Variants in LIMS1 observed in about 807,000 individuals in gnomAD.
LIMS1 encodes LIM zinc finger domain containing 1.
Under a neutral mutation model 44.1 loss-of-function variants are expected in LIMS1, and 18 were observed. The ratio of observed to expected loss-of-function variants is 0.41; its 90% CI spans 0.28 to 0.61. The LOEUF (loss-of-function observed/expected upper bound fraction) is 0.61. LIMS1 is among the 20% of genes least tolerant of loss of function. LIMS1 has a pLI of 0.32. For missense variants in LIMS1, 201 were observed against 422.0 expected (o/e 0.48, Z 4.59); for synonymous variants, 93 against 149.1 (o/e 0.62, Z 2.74).
At chr2:108,533,828 C>G (rs1393348047), upstream of LIMS1, 1 of 152,424 alleles carries the variant, frequency 6.6e-6, no homozygotes, top group Non-Finnish European at 1.5e-5. Context: ...TCTTAACTCA[C>G]AAGTTAAACA....
chr2:108,630,807 T>C (rs988857503), intron 1 of LIMS1, among the ~76,000 whole-genome samples: 4 of 152,104 alleles, frequency 2.6e-5, no homozygotes, highest in African/African-American at 9.7e-5. Flanking sequence ...GGAGGTTGAG[T>C]GGGACGAGGA....
intron 1 of LIMS1, among the ~76,000 whole-genome samples, chr2:108,573,725 G>A (rs184119347): frequency 3.9e-5 from 6 of 152,272 alleles, no homozygotes; most frequent in Admixed American, 1.3e-4. Context: ...CAAATAAAGC[G>A]TATAGTGTAT....
chr2:108,625,586 C>A lies in LIMS1; in HGVS notation c.33-34019C>A, dbSNP rs532570630. ...TTGAAAAGAATATGAATCCCCCCCC[C>A]CAAAAAAATGCAGTTTGAAATTTGT... is the stretch of plus-strand genomic sequence containing the variant. On this transcript the variant is annotated intron_variant, in intron 1 of 9. Coordinates refer to ENST00000544547, the Ensembl canonical transcript of LIMS1. Among the ~76,000 whole-genome samples the A allele has an allele frequency of 7.2e-5, 11 of 151,786 alleles. No individual in the cohort carries two copies. The East Asian group carries it at 1.4e-3, about 19-fold the overall frequency.
intron 1 of LIMS1, among the ~76,000 whole-genome samples, chr2:108,581,805 C>T (rs758943521): frequency 4.6e-5 from 7 of 151,936 alleles, no homozygotes; most frequent in Non-Finnish European, 8.8e-5. Flanking sequence ...GGAGTGGTGG[C>T]GCATGCCTGT....
chr2:108,575,775 G>C (rs1685648114), intron 1 of LIMS1, among the ~76,000 whole-genome samples: 1 of 152,134 alleles, frequency 6.6e-6, no homozygotes, highest in South Asian at 2.1e-4. Context: ...TGAGTCATCA[G>C]GGTTGTTTAG....
intron 1 of LIMS1, among the ~76,000 whole-genome samples, chr2:108,557,791 C>T (rs866624568): frequency 6.6e-6 from 1 of 152,200 alleles, no homozygotes; most frequent in African/African-American, 2.4e-5. Flanking sequence ...GCTAGAATTA[C>T]AGGCATAGGC....
chr2:108,613,985 C>T (rs1425563253), intron 1 of LIMS1, among the ~76,000 whole-genome samples: 1 of 152,064 alleles, frequency 6.6e-6, no homozygotes, highest in Non-Finnish European at 1.5e-5. Flanking sequence ...GTCCCCTACT[C>T]GACTGCAGGC....
At chr2:108,549,636 T>C (rs1315496783) in intron 1 of LIMS1, among the ~76,000 whole-genome samples, 1 of 152,186 alleles carries the variant, frequency 6.6e-6, no homozygotes, top group Non-Finnish European at 1.5e-5. Flanking sequence ...AGCTGAAACA[T>C]TAATTTTTTT....
intron 3 of LIMS1, 117 bp from the exon 4 acceptor site, chr2:108,672,208 C>T: frequency 3.1e-6 from 2 of 651,412 alleles, no homozygotes; most frequent in South Asian, 1.7e-5. Context: ...TTGAGAAAGG[C>T]TTCAACGGTT....
intron 1 of LIMS1, among the ~76,000 whole-genome samples, chr2:108,541,200 C>T (rs1684304979): frequency 6.6e-6 from 1 of 152,228 alleles, no homozygotes; most frequent in Non-Finnish European, 1.5e-5. Flanking sequence ...CTTACCAATG[C>T]ATCAGCTGAG....
chr2:108,548,318 A>G (rs1684558690), intron 1 of LIMS1, among the ~76,000 whole-genome samples: 1 of 151,808 alleles, frequency 6.6e-6, no homozygotes, highest in East Asian at 1.9e-4. Flanking sequence ...TGGCTAACCC[A>G]CATCAGGAAT....
chr2:108,676,123 C>A, intron 6 of LIMS1, 95 bp downstream of exon 6: 2 of 1,405,336 alleles, frequency 1.4e-6, no homozygotes, highest in South Asian at 1.5e-5. Context: ...TCAGGGGTAA[C>A]CAGTACTTTC....
intron 1 of LIMS1, among the ~76,000 whole-genome samples, chr2:108,539,227 G>T (rs531303373): frequency 6.6e-6 from 1 of 152,130 alleles, no homozygotes; most frequent in African/African-American, 2.4e-5. Flanking sequence ...GGGACAACAG[G>T]TACATGCCAC....
At chr2:108,578,198 C>G (rs1198994111) in intron 1 of LIMS1, among the ~76,000 whole-genome samples, 1 of 152,146 alleles carries the variant, frequency 6.6e-6, no homozygotes. Flanking sequence ...CATGAGCCAC[C>G]GCGCCCAGCC....
intron 1 of LIMS1, among the ~76,000 whole-genome samples, chr2:108,639,210 G>A (rs541695212): frequency 1.2e-4 from 19 of 152,156 alleles, no homozygotes; most frequent in Admixed American, 3.3e-4. Context: ...ATAAGGCCTG[G>A]AATGTCAAGA....
At chr2:108,641,522 A>G (rs1420960968) in intron 1 of LIMS1, among the ~76,000 whole-genome samples, 1 of 152,186 alleles carries the variant, frequency 6.6e-6, no homozygotes, top group African/African-American at 2.4e-5. Context: ...CATTATTGTT[A>G]GGTGATAATC....
intron 1 of LIMS1, among the ~76,000 whole-genome samples, chr2:108,608,786 T>C (rs544449701): frequency 1.3e-5 from 2 of 152,314 alleles, no homozygotes. Flanking sequence ...GTCCCCATTC[T>C]GTCACTCACC....
At chr2:108,575,668 A>C (rs1376955957) in intron 1 of LIMS1, among the ~76,000 whole-genome samples, 1 of 152,094 alleles carries the variant, frequency 6.6e-6, no homozygotes, top group African/African-American at 2.4e-5. Context: ...GCTGCAGCCC[A>C]CCTCTTGTTC....
intron 1 of LIMS1, among the ~76,000 whole-genome samples, chr2:108,578,118 C>T (rs1471319402): frequency 6.6e-6 from 1 of 152,150 alleles, no homozygotes; most frequent in Non-Finnish European, 1.5e-5. Flanking sequence ...ACCATCTTGG[C>T]CAGGCTGGTC....
Sources: allele counts gnomAD v4.1 joint callset (sites outside exome capture counted in the v4.1 genomes callset), GRCh38; gene constraint gnomAD v4.1.1; transcripts MANE v1.5; gene names NCBI Gene and HGNC (gene_info 2026-07-23, HGNC 2026-07-21).